Variants in DST observed in about 807,000 individuals in gnomAD.
The protein encoded by DST is dystonin.
Under a neutral mutation model 875.2 loss-of-function variants are expected in DST, and 253 were observed. The observed-to-expected ratio is 0.29, with a 90% CI of 0.26 to 0.32. The LOEUF (loss-of-function observed/expected upper bound fraction) is 0.32. Among genes scored for constraint, DST ranks in the 10% least tolerant of loss-of-function variants. The pLI, the probability that DST is intolerant of heterozygous loss-of-function variation, is 1.00. For missense variants in DST, 8,287 were observed against 9,111.6 expected (o/e 0.91, Z 3.68); for synonymous variants, 3,124 against 3,197.1 (o/e 0.98, Z 0.77).
At chr6:56,653,655 A>C (rs927675274) in intron 10 of DST, among the ~76,000 whole-genome samples, 2 of 152,224 alleles carry the variant, frequency 1.3e-5, no homozygotes, top group Admixed American at 6.5e-5. Context: ...ACTGCACTCC[A>C]GCCTGGACAA....
intron 5 of DST, among the ~76,000 whole-genome samples, chr6:56,730,841 T>C (rs1311883443): frequency 6.6e-6 from 1 of 152,112 alleles, no homozygotes; most frequent in Non-Finnish European, 1.5e-5. Context: ...AATAGAACAA[T>C]CAGTTTCAAG....
At chr6:56,583,537 TTTGTAGG>T (rs2098074689) in intron 49 of DST, among the ~76,000 whole-genome samples, 1 of 152,144 alleles carries the variant, frequency 6.6e-6, no homozygotes, top group Non-Finnish European at 1.5e-5. Context: ...TTTCTCCCAT[TTTGTAGG>T]TTGCCTGTTC....
intron 4 of DST, among the ~76,000 whole-genome samples, chr6:56,818,138 A>G (rs1272130408): frequency 6.6e-6 from 1 of 152,208 alleles, no homozygotes; most frequent in African/African-American, 2.4e-5. Flanking sequence ...GTCCATTTTG[A>G]ACTAATGACC....
chr6:56,617,272 G>A, intron 36 of DST: 1 of 1,612,824 alleles, frequency 6.2e-7, no homozygotes. Flanking sequence ...CTGGTTCTAA[G>A]CCCTTCTTAA....
At chr6:56,762,313 A>C (rs2099619141) in intron 4 of DST, among the ~76,000 whole-genome samples, 1 of 152,140 alleles carries the variant, frequency 6.6e-6, no homozygotes, top group South Asian at 2.1e-4. Context: ...AGACTCTAGA[A>C]ATTTTAAAAC....
In DST at chr6:56,607,515, A is replaced by C. The variant is rs376348682; in HGVS notation, c.7113T>G (p.Asn2371Lys). The C allele has an allele frequency of 3.4e-5, 55 of 1,600,712 alleles. No individual in the cohort carries two copies. In the African/African-American group the frequency reaches 6.3e-4, roughly 18 times the overall value. ...DSENILTNYE[N>K]QSRVETNERA... ...GTTCATTTGTTTCCACTCGGCTTTG[A>C]TTTTCATAGTTTGTAAGTATGTTTT... Residue 2371 changes from asparagine to lysine, a missense_variant, in exon 40 of 104, where the codon AAT becomes AAG. Around this residue, in one of 10 missense-constraint regions of DST, gnomAD observed 3,138 missense variants for 3,116.6 expected, o/e 1.01. Coordinates refer to ENST00000680361, the MANE Select transcript of DST (RefSeq NM_001374736.1).
chr6:56,877,347 A>C (rs1780032555), intron 3 of DST, among the ~76,000 whole-genome samples: 5 of 152,196 alleles, frequency 3.3e-5, no homozygotes, highest in Admixed American at 3.3e-4. Flanking sequence ...TGAGGTCAGG[A>C]GTTCAAGACA....
rs1169943902 is a variant in DST, at chr6:56,629,295, T to G, written c.4430A>C (p.Gln1477Pro). Residue 1477 changes from glutamine (Q) to proline (P), a missense_variant, in exon 32 of 104, where the codon CAA becomes CCA. This residue lies in a region of DST where 3,138 missense variants were observed against 3,116.6 expected (regional missense o/e 1.01). Transcript: ENST00000680361. ...DFDWHKEKAD[Q>P]LVERWQNVHV... ...AACATTTTGCCACCTTTCAACTAAT[T>G]GATCTGCTTTTTCTTTGTGCCAGTC... 1 of 1,613,786 alleles carries G rather than the reference T, an allele frequency of 6.2e-7. No homozygotes were observed. The highest frequency in any genetic ancestry group is 8.5e-7 in the Non-Finnish European group (1 of 1,179,790).
chr6:56,891,823 C>CAA (rs924673550), intron 3 of DST, among the ~76,000 whole-genome samples: 43 of 150,326 alleles, frequency 2.9e-4, no homozygotes, highest in African/African-American at 1.0e-3. Context: ...GACTCCGTCT[C>CAA]AAAAAAAAAC....
chr6:56,949,036 AT>A lies in DST; in HGVS notation c.216+4748del, dbSNP rs553829938. On this transcript the variant is annotated intron_variant, in intron 2 of 103. Coordinates refer to ENST00000680361, the MANE Select transcript of DST (RefSeq NM_001374736.1). ...GGCAGAGCTAGAACCCAAAACCAGA[AT>A]TTTGAACTCATATTCTTATAATCCT... Among the ~76,000 whole-genome samples, 7 of 152,306 alleles carry A rather than the reference AT, an allele frequency of 4.6e-5. No homozygotes were observed. The South Asian group carries it at 1.5e-3, about 32-fold the overall frequency.
chr6:56,541,194 A>G (rs2097121585), intron 61 of DST: 1 of 152,558 alleles, frequency 6.6e-6, no homozygotes, highest in Non-Finnish European at 1.5e-5. Context: ...TCCGCATGAG[A>G]TTTGGCTTTA....
intron 2 of DST, among the ~76,000 whole-genome samples, chr6:56,950,762 C>T (rs1821899676): frequency 6.6e-6 from 1 of 152,184 alleles, no homozygotes; most frequent in Non-Finnish European, 1.5e-5. Context: ...TTGCTAGCTG[C>T]ATTAATTATT....
chr6:56,476,822 C>T (rs1473880077), intron 91 of DST, among the ~76,000 whole-genome samples: 4 of 151,984 alleles, frequency 2.6e-5, no homozygotes, highest in Admixed American at 6.6e-5. Flanking sequence ...CATGGTGGCA[C>T]GCGCCTGTAA....
chr6:56,620,405 G>T (rs1370490900), intron 36 of DST: 1 of 1,614,180 alleles, frequency 6.2e-7, no homozygotes, highest in South Asian at 1.1e-5. Context: ...TTCTCTTTCA[G>T]CGGCTTCCTT....
chr6:56,604,020 T>G lies in DST; in HGVS notation c.10608A>C (p.Glu3536Asp). The stretch of plus-strand genomic sequence containing the variant: ...CTAAATTAGGAGAATAGTAGTTTCC[T>G]TCTTTGCTTTTAATATCACCAAGAA... ...PHILGDIKSK[E>D]GNYYSPNLET... is the part of the protein sequence containing the mutation. Residue 3536 changes from glutamate (E) to aspartate (D), a missense_variant, in exon 40 of 104, where the codon GAA becomes GAC. By Grantham distance (45) the Glu-to-Asp change is conservative (BLOSUM62 2). Coordinates refer to ENST00000680361, the MANE Select transcript of DST (RefSeq NM_001374736.1). 6.3e-7 allele frequency: 1 copy of G among 1,595,986 alleles called. No homozygotes were observed. Among genetic ancestry groups the G allele is most frequent in the Non-Finnish European group, 8.5e-7 (1 of 1,169,616 alleles).
In DST at chr6:56,605,249, C is replaced by G. The variant is rs371444438; in HGVS notation, c.9379G>C (p.Val3127Leu). The change falls in exon 40 of 104, where the codon GTT becomes CTT. Residue 3127 changes from valine (V) to leucine (L), a missense_variant. Physicochemically the swap from Val to Leu is conservative, Grantham distance 32. This residue lies in a region of DST where 3,138 missense variants were observed against 3,116.6 expected (regional missense o/e 1.01). Transcript: ENST00000680361. The stretch of plus-strand genomic sequence containing the variant: ...TCAAACTGAACAGGACTTTTACTAA[C>G]TATTATTTGTAGATTATTTGGTTCA... ...KDEPNNLQII[V>L]SKSPVQFENL... 1.7e-4 allele frequency: 271 copies of G among 1,610,660 alleles called. No individual in the cohort carries two copies. Among genetic ancestry groups the G allele is most frequent in the Admixed American group, 3.0e-4 (18 of 59,552 alleles).
chr6:56,806,879 C>A (rs1008449175), intron 4 of DST, among the ~76,000 whole-genome samples: 1 of 152,104 alleles, frequency 6.6e-6, no homozygotes, highest in Non-Finnish European at 1.5e-5. Flanking sequence ...AGAAACTTGA[C>A]CAAGGTCACT....
At chr6:56,941,466 T>C (rs1293464289) in intron 2 of DST, among the ~76,000 whole-genome samples, 4 of 151,986 alleles carry the variant, frequency 2.6e-5, no homozygotes, top group African/African-American at 9.7e-5. Flanking sequence ...CATGTAAGTA[T>C]GGTGTTTCTT....
chr6:56,835,296 T>C (rs1446755959), intron 4 of DST, among the ~76,000 whole-genome samples: 4 of 152,246 alleles, frequency 2.6e-5, no homozygotes. Flanking sequence ...TCAAAACCTA[T>C]ATAGAACTGT....
Sources: allele counts gnomAD v4.1 joint callset (sites outside exome capture counted in the v4.1 genomes callset), GRCh38; gene constraint gnomAD v4.1.1; regional missense constraint gnomAD v4.1.1; transcripts MANE v1.5; gene names NCBI Gene and HGNC (gene_info 2026-07-23, HGNC 2026-07-21).